Variants in RBFOX1 observed in about 807,000 individuals in gnomAD.
The protein encoded by RBFOX1 is RNA binding fox-1 homolog 1.
Under a neutral mutation model 57.7 loss-of-function variants are expected in RBFOX1, and 8 were observed. The observed-to-expected ratio is 0.14, with a 90% CI of 0.08 to 0.25. The LOEUF (loss-of-function observed/expected upper bound fraction) is 0.25, where lower values mean the gene tolerates loss of function less well. Among genes scored for constraint, RBFOX1 ranks in the 10% least tolerant of loss-of-function variants. RBFOX1 has a pLI of 1.00. For missense variants in RBFOX1, 611 were observed against 548.5 expected (o/e 1.11, Z -1.14); for synonymous variants, 326 against 222.4 (o/e 1.47, Z -4.15).
chr16:5,435,037 A>T (rs980684598), intron 1 of RBFOX1, among the ~76,000 whole-genome samples: 1 of 152,172 alleles, frequency 6.6e-6, no homozygotes, highest in Non-Finnish European at 1.5e-5. Flanking sequence ...TTGTTTATAG[A>T]TTGATTTTAA....
chr16:5,906,254 G>A (rs4786791), intron 4 of RBFOX1, among the ~76,000 whole-genome samples: 20,315 of 152,148 alleles, frequency 0.13, 1,806 homozygotes, highest in East Asian at 0.27. Flanking sequence ...AGGTCATCCG[G>A]GAGTAGGGTG....
chr16:7,291,711 G>A (rs1184906667), intron 4 of RBFOX1, among the ~76,000 whole-genome samples: 1 of 151,854 alleles, frequency 6.6e-6, no homozygotes, highest in Non-Finnish European at 1.5e-5. Context: ...GCTGTCTGAA[G>A]TTCATGATGA....
chr16:7,579,701 A>T (rs1170488413), intron 5 of RBFOX1, 76 bp from the exon 6 acceptor site: 1 of 1,566,164 alleles, frequency 6.4e-7, no homozygotes, highest in Non-Finnish European at 8.8e-7. Context: ...CCTGCCACTC[A>T]TGGCAAGCAA....
At chr16:5,886,992 T>C (rs1465102249) in intron 4 of RBFOX1, among the ~76,000 whole-genome samples, 1 of 152,144 alleles carries the variant, frequency 6.6e-6, no homozygotes, top group African/African-American at 2.4e-5. Flanking sequence ...GGCCAGCCAA[T>C]TGTTGTGGGG....
At chr16:5,648,468 T>TA (rs1310636092) in intron 3 of RBFOX1, among the ~76,000 whole-genome samples, 2 of 152,154 alleles carry the variant, frequency 1.3e-5, no homozygotes, top group Non-Finnish European at 2.9e-5. Flanking sequence ...CCAAGGGTGA[T>TA]GTTCCCTAGG....
intron 5 of RBFOX1, among the ~76,000 whole-genome samples, chr16:7,537,741 T>A (rs1020293569): frequency 1.7e-4 from 26 of 152,176 alleles, no homozygotes; most frequent in African/African-American, 5.8e-4. Context: ...TGTTTGGAAT[T>A]AACGCAGGAG....
intron 3 of RBFOX1, among the ~76,000 whole-genome samples, chr16:6,947,320 A>G (rs1301113025): frequency 6.6e-6 from 1 of 152,134 alleles, no homozygotes; most frequent in East Asian, 1.9e-4. Context: ...GGTGTGATTT[A>G]ACAGTCTTTA....
intron 4 of RBFOX1, among the ~76,000 whole-genome samples, chr16:5,877,884 T>A (rs1263750395): frequency 6.6e-6 from 1 of 152,204 alleles, no homozygotes; most frequent in African/African-American, 2.4e-5. Flanking sequence ...GGTATGGCAC[T>A]CTGGTGGGCG....
intron 3 of RBFOX1, among the ~76,000 whole-genome samples, chr16:6,881,790 C>G (rs909791413): frequency 6.6e-6 from 1 of 152,152 alleles, no homozygotes; most frequent in East Asian, 1.9e-4. Context: ...ACTGGAGCCT[C>G]AATGCAACCT....
chr16:6,312,910 G>T (rs2080546877), intron 1 of RBFOX1, among the ~76,000 whole-genome samples: 1 of 152,144 alleles, frequency 6.6e-6, no homozygotes, highest in Non-Finnish European at 1.5e-5. Flanking sequence ...ACATGCTGGT[G>T]AGACAGGCAA....
chr16:6,807,826 C>G (rs1195707581), intron 3 of RBFOX1, among the ~76,000 whole-genome samples: 1 of 150,956 alleles, frequency 6.6e-6, no homozygotes, highest in Non-Finnish European at 1.5e-5. Flanking sequence ...AAAAAAGATG[C>G]TTATTATATA....
chr16:6,183,251 C>A (rs547231351), intron 1 of RBFOX1, among the ~76,000 whole-genome samples: 1 of 151,754 alleles, frequency 6.6e-6, no homozygotes, highest in Admixed American at 6.6e-5. Context: ...GAGGCCAAGG[C>A]GGGCAGATCA....
intron 1 of RBFOX1, among the ~76,000 whole-genome samples, chr16:6,119,383 T>A (rs150496767): frequency 6.6e-6 from 1 of 152,144 alleles, no homozygotes; most frequent in Non-Finnish European, 1.5e-5. Context: ...GTCAACGATG[T>A]CTTTATATCT....
chr16:7,644,186 G>T (rs945711559), intron 11 of RBFOX1, among the ~76,000 whole-genome samples: 3 of 152,152 alleles, frequency 2.0e-5, no homozygotes, highest in Non-Finnish European at 4.4e-5. Context: ...GGTTCAAACC[G>T]CTGGGTGAGT....
intron 1 of RBFOX1, among the ~76,000 whole-genome samples, chr16:6,259,214 T>C (rs1242315090): frequency 1.3e-5 from 2 of 152,170 alleles, no homozygotes; most frequent in Non-Finnish European, 2.9e-5. Context: ...ACTCAGATTG[T>C]TATCCAGGTC....
chr16:6,544,262 G>A (rs2096864715), intron 2 of RBFOX1, among the ~76,000 whole-genome samples: 1 of 152,138 alleles, frequency 6.6e-6, no homozygotes, highest in African/African-American at 2.4e-5. Flanking sequence ...GCCACCACAG[G>A]TGTGGTTGCA....
At chr16:6,910,695 C>T (rs1426475152) in intron 3 of RBFOX1, among the ~76,000 whole-genome samples, 1 of 152,164 alleles carries the variant, frequency 6.6e-6, no homozygotes, top group African/African-American at 2.4e-5. Context: ...GCTTCAAAGC[C>T]AGCAGTGTGA....
chr16:5,752,691 T>A (rs991313099), intron 3 of RBFOX1, among the ~76,000 whole-genome samples: 1 of 152,162 alleles, frequency 6.6e-6, no homozygotes, highest in Admixed American at 6.5e-5. Flanking sequence ...AAGAGAACCC[T>A]CTTAGGAGGT....
chr16:7,535,963 A>G (rs1601198737), intron 5 of RBFOX1, among the ~76,000 whole-genome samples: 1 of 152,344 alleles, frequency 6.6e-6, no homozygotes, highest in African/African-American at 2.4e-5. Flanking sequence ...CCTTGGAGAT[A>G]CAAGAGTGAA....
Sources: allele counts gnomAD v4.1 joint callset (sites outside exome capture counted in the v4.1 genomes callset), GRCh38; gene constraint gnomAD v4.1.1; transcripts MANE v1.5; gene names NCBI Gene and HGNC (gene_info 2026-07-23, HGNC 2026-07-21).